TRABD2B: variants seen among roughly 807,000 people sequenced by gnomAD.
TRABD2B encodes TraB domain containing 2B.
A neutral mutation model predicts 40.1 loss-of-function variants in TRABD2B; 14 were observed. The observed-to-expected ratio is 0.35, with a 90% CI of 0.23 to 0.55. TRABD2B has a LOEUF of 0.55. Among genes scored for constraint, TRABD2B ranks in the 20% least tolerant of loss-of-function variants. TRABD2B has a pLI of 0.90. For synonymous variants in TRABD2B, 263 were observed against 277.0 expected (o/e 0.95, Z 0.50); for missense variants, 541 against 648.6 (o/e 0.83, Z 1.80).
intron 2 of TRABD2B, among the ~76,000 whole-genome samples, chr1:47,944,838 G>A (rs1012285594): frequency 3.9e-5 from 6 of 152,190 alleles, no homozygotes; most frequent in African/African-American, 1.4e-4. Flanking sequence ...GAAATAGCCA[G>A]CTCTGTCCTG....
At chr1:47,920,251 G>C (rs1024769428) in intron 2 of TRABD2B, among the ~76,000 whole-genome samples, 4 of 152,206 alleles carry the variant, frequency 2.6e-5, no homozygotes, top group Non-Finnish European at 5.9e-5. Context: ...GAAATTCAGA[G>C]AGGGGAAGTG....
At chr1:47,807,638 G>C (rs1644910023) in intron 2 of TRABD2B, among the ~76,000 whole-genome samples, 1 of 150,806 alleles carries the variant, frequency 6.6e-6, no homozygotes, top group Non-Finnish European at 1.5e-5. Context: ...GTGTGTGTGT[G>C]TCTGTGTGTG....
chr1:47,873,424 T>C (rs1644173138), intron 2 of TRABD2B, among the ~76,000 whole-genome samples: 1 of 152,174 alleles, frequency 6.6e-6, no homozygotes, highest in Non-Finnish European at 1.5e-5. Flanking sequence ...GGGGTGGATA[T>C]ATCCATTTCT....
chr1:47,797,894 G>C (rs899929767), intron 3 of TRABD2B, among the ~76,000 whole-genome samples: 12 of 152,130 alleles, frequency 7.9e-5, no homozygotes, highest in African/African-American at 2.9e-4. Flanking sequence ...GCTGGGGTGG[G>C]GCTGTGGGGG....
intron 2 of TRABD2B, among the ~76,000 whole-genome samples, chr1:47,896,930 C>T (rs1421640057): frequency 6.6e-6 from 1 of 152,188 alleles, no homozygotes; most frequent in Non-Finnish European, 1.5e-5. Context: ...ATATACTGAG[C>T]CCCTAGTATA....
intron 2 of TRABD2B, chr1:47,818,024 AAG>A (rs1388989195): frequency 3.3e-5 from 5 of 152,316 alleles, no homozygotes; most frequent in African/African-American, 9.6e-5. Context: ...TTTATGAGGT[AAG>A]AGAGCAGGGC....
At chr1:47,802,242 A>C (rs76407884) in intron 2 of TRABD2B, among the ~76,000 whole-genome samples, 8,639 of 152,214 alleles carry the variant, frequency 0.057, 428 homozygotes, top group East Asian at 0.19. Context: ...GGGCATCAGG[A>C]TCACTGACAA....
chr1:47,879,460 A>G (rs1644270196), intron 2 of TRABD2B, among the ~76,000 whole-genome samples: 1 of 152,348 alleles, frequency 6.6e-6, no homozygotes, highest in African/African-American at 2.4e-5. Flanking sequence ...GCAATAGGCT[A>G]TATCAGACAG....
intron 2 of TRABD2B, among the ~76,000 whole-genome samples, chr1:47,947,254 C>A (rs1645272438): frequency 1.3e-5 from 2 of 152,150 alleles, no homozygotes; most frequent in Admixed American, 6.5e-5. Context: ...TATTTTAAAT[C>A]TTTTATTTCT....
chr1:47,925,402 G>A (rs1156775452), intron 2 of TRABD2B, among the ~76,000 whole-genome samples: 2 of 151,664 alleles, frequency 1.3e-5, no homozygotes, highest in South Asian at 2.1e-4. Flanking sequence ...AAATAATTCC[G>A]ATTAAGATTT....
At chr1:47,993,043 G>C (rs1249806385) in intron 2 of TRABD2B, among the ~76,000 whole-genome samples, 1 of 152,238 alleles carries the variant, frequency 6.6e-6, no homozygotes, top group Non-Finnish European at 1.5e-5. Flanking sequence ...GGAGCAAGCA[G>C]GTCTGATTCC....
intron 2 of TRABD2B, among the ~76,000 whole-genome samples, chr1:47,897,282 G>A (rs1644535758): frequency 6.6e-6 from 1 of 152,168 alleles, no homozygotes; most frequent in African/African-American, 2.4e-5. Context: ...AGACAACGTG[G>A]CTGGAGGGGA....
chr1:47,880,158 A>G (rs1644282277), intron 2 of TRABD2B, among the ~76,000 whole-genome samples: 1 of 152,176 alleles, frequency 6.6e-6, no homozygotes, highest in African/African-American at 2.4e-5. Context: ...AAAATAAAAA[A>G]ATTATTGTAT....
At chr1:47,862,481 C>T (rs1362885530) in intron 2 of TRABD2B, among the ~76,000 whole-genome samples, 1 of 152,078 alleles carries the variant, frequency 6.6e-6, no homozygotes, top group Non-Finnish European at 1.5e-5. Context: ...ATTAAAAACA[C>T]AATACCATTT....
intron 2 of TRABD2B, among the ~76,000 whole-genome samples, chr1:47,918,790 C>T (rs1644863406): frequency 6.6e-6 from 1 of 152,220 alleles, no homozygotes; most frequent in South Asian, 2.1e-4. Flanking sequence ...GGTCCAGAGT[C>T]AGGGCTAGAG....
At chr1:47,830,369 T>C (rs910916962) in intron 2 of TRABD2B, among the ~76,000 whole-genome samples, 1 of 152,256 alleles carries the variant, frequency 6.6e-6, no homozygotes, top group South Asian at 2.1e-4. Flanking sequence ...GGGCTGCATA[T>C]GCACCAGGCA....
Position 47,994,181 on chromosome 1 carries a change from G to C in TRABD2B, c.519C>G (p.Leu173=), listed in dbSNP as rs1018719480. 1.3e-6 allele frequency: 2 copies of C among 1,539,704 alleles called. No homozygotes were observed. Among genetic ancestry groups the C allele is most frequent in the African/African-American group, 2.7e-5 (2 of 73,196 alleles). Residue 173 remains leucine, a synonymous_variant, in exon 2 of 7, where the codon CTC becomes CTG. Coordinates refer to ENST00000606738, the MANE Select transcript of TRABD2B (RefSeq NM_001194986.2). This position sits in a 1 kb window ranked among gnomAD's most constrained non-coding sequence, Gnocchi z 6.7. ...CACGGAAGCGCACGTCCCTCTCTGT[G>C]AGCGAGTTTACCATGAGCATCACCC... ...PVWVMLMVNS[L]TERDVRFRGV...
intron 2 of TRABD2B, among the ~76,000 whole-genome samples, chr1:47,950,446 A>G (rs925931639): frequency 1.3e-5 from 2 of 152,208 alleles, no homozygotes; most frequent in African/African-American, 2.4e-5. Context: ...GCTCAAGTAT[A>G]AAGGCCCAAG....
At chr1:47,929,107 C>G (rs927176632) in intron 2 of TRABD2B, among the ~76,000 whole-genome samples, 3 of 152,220 alleles carry the variant, frequency 2.0e-5, no homozygotes, top group Admixed American at 1.3e-4. Flanking sequence ...TCCTACCCAG[C>G]CTTTATGTCT....
Sources: allele counts gnomAD v4.1 joint callset (sites outside exome capture counted in the v4.1 genomes callset), GRCh38; gene constraint gnomAD v4.1.1; non-coding constraint Gnocchi (gnomAD v3.1); transcripts MANE v1.5; gene names NCBI Gene and HGNC (gene_info 2026-07-23, HGNC 2026-07-21).